Variants in TNK2 observed in about 807,000 individuals in gnomAD.
The protein encoded by TNK2 is activated CDC42 kinase 1.
In TNK2, 83 loss-of-function variants were observed where a neutral mutation model predicts 101.8. That is an observed-to-expected ratio of 0.82 (90% CI 0.68 to 0.98). The LOEUF (loss-of-function observed/expected upper bound fraction) is 0.98, where lower values mean the gene tolerates loss of function less well. TNK2 is among the 50% of genes least tolerant of loss of function. The pLI, the probability that TNK2 is intolerant of heterozygous loss-of-function variation, is 0.00. For missense variants in TNK2, 1,665 were observed against 1,483.2 expected (o/e 1.12, Z -2.01); for synonymous variants, 804 against 633.0 (o/e 1.27, Z -4.06).
At chr3:195,891,895 AAC>A (rs1455983298) in intron 1 of TNK2, 46 of 985,694 alleles carry the variant, frequency 4.7e-5, no homozygotes, top group Non-Finnish European at 5.5e-5. Flanking sequence ...CTCTCCCTGA[AAC>A]ACCAGCTAAT....
Position 195,885,575 on chromosome 3 carries a change from G to T in TNK2, c.235-542C>A. 7.8e-7 allele frequency: 1 copy of T among 1,290,174 alleles called. No individual in the cohort carries two copies. Among genetic ancestry groups the T allele is most frequent in the Non-Finnish European group, 1.0e-6 (1 of 989,098 alleles). 79.9% of individuals were successfully genotyped at this position (1,290,174 alleles called of 1,614,324 possible). A position where few individuals can be genotyped will look rare whatever the true frequency, so the allele number is the denominator to read the frequency against. ...AGGGGAGAGGATAATTTTAGTCTGA[G>T]GTTGAACCGTGAGTGTGTGTGTGGT... On this transcript the variant is annotated intron_variant, in intron 3 of 15. Coordinates refer to ENST00000672887, the MANE Select transcript of TNK2 (RefSeq NM_001382273.1). This position sits in a 1 kb window ranked among gnomAD's most constrained non-coding sequence, Gnocchi z 4.7.
chr3:195,876,340 T>A (rs1577036536), intron 9 of TNK2: 2 of 449,448 alleles, frequency 4.4e-6, no homozygotes, highest in South Asian at 1.6e-5. Context: ...AAACAAATAC[T>A]GGACACAGCT....
chr3:195,906,827 GC>G (rs1272831579), intron 1 of TNK2, among the ~76,000 whole-genome samples: 2 of 152,026 alleles, frequency 1.3e-5, no homozygotes, highest in Non-Finnish European at 2.9e-5. Flanking sequence ...CAAGGTGGGG[GC>G]TAATCCCGGG....
In TNK2 at chr3:195,874,114, T is replaced by C. The variant is rs1264332466; in HGVS notation, c.1257-1644A>G. On this transcript the variant is annotated intron_variant, in intron 9 of 15. Transcript: ENST00000672887. ...ACCGGCTGGGCTGCGGCTCTCCCGC[T>C]ACACCCACGGGCTCCCCGGTGGCTG... Among the ~76,000 whole-genome samples, 10 of 152,304 alleles carry C rather than the reference T, an allele frequency of 6.6e-5. No individual in the cohort carries two copies. The South Asian group carries it at 1.0e-3, about 16-fold the overall frequency.
rs114780640 is a variant in TNK2, at chr3:195,901,200, G to A, written c.-19+7285C>T. Among the ~76,000 whole-genome samples the A allele has an allele frequency of 8.9e-3, 1,349 of 152,302 alleles. 20 individuals carry two copies. Among genetic ancestry groups the A allele is most frequent in the African/African-American group, 0.031 (1,286 of 41,554 alleles). On this transcript the variant is annotated intron_variant, in intron 1 of 15. Transcript: ENST00000672887. ...TCACCATCTGACCTTGAAGAGCCCG[G>A]GACCCTCAAAGGGGAAGGGGCGTGC...
intron 1 of TNK2, among the ~76,000 whole-genome samples, chr3:195,893,071 G>A (rs1209352183): frequency 1.3e-5 from 2 of 151,958 alleles, no homozygotes; most frequent in Non-Finnish European, 2.9e-5. Context: ...TATGAAGCAG[G>A]GCTGTGGACT....
chr3:195,873,473 G>C (rs62283331), intron 9 of TNK2, among the ~76,000 whole-genome samples: 20 of 91,512 alleles, frequency 2.2e-4, no homozygotes, highest in African/African-American at 4.5e-4. Context: ...GGGGCGGTGA[G>C]AGCCCCGTGG....
chr3:195,888,297 T>C lies in TNK2; in HGVS notation c.163+129A>G. 1 of 966,548 alleles carries C rather than the reference T, an allele frequency of 1.0e-6. No individual in the cohort carries two copies. Among genetic ancestry groups the C allele is most frequent in the Non-Finnish European group, 1.6e-6 (1 of 642,000 alleles). 59.9% of individuals were successfully genotyped at this position (966,548 alleles called of 1,614,324 possible). ...GTTCTCATCACACATCAGCACCTAC[T>C]GATGTCCCTCCTGCTCCCTCAGGGC... is the stretch of plus-strand genomic sequence containing the variant. On this transcript the variant is annotated intron_variant, in intron 2 of 15. Transcript: ENST00000672887. The surrounding 1 kb of genome is among the most constrained non-coding windows in gnomAD (Gnocchi z 5.3).
In TNK2 at chr3:195,879,225, G is replaced by A. The variant is rs202002128; in HGVS notation, c.888-50C>T. 87 of 1,606,202 alleles carry A rather than the reference G, an allele frequency of 5.4e-5. No individual in the cohort carries two copies. In the Admixed American group the frequency reaches 6.9e-4, roughly 13 times the overall value. ...AAGCCCTCTCAAACACCCTACCTGCGTCCGCCCCAGGGACTTAAAACACTC... is the reference window on the plus strand; with the variant it reads ...AAGCCCTCTCAAACACCCTACCTGCATCCGCCCCAGGGACTTAAAACACTC... On this transcript the variant is annotated intron_variant, in intron 6 of 15. Coordinates refer to ENST00000672887, the MANE Select transcript of TNK2 (RefSeq NM_001382273.1).
chr3:195,895,170 G>A lies in TNK2; in HGVS notation c.-18-6564C>T, dbSNP rs6762607. 15,573 of 1,380,986 alleles carry A rather than the reference G, an allele frequency of 0.011. 1,593 individuals are homozygous for A. The African/African-American group carries it at 0.21, about 19-fold the overall frequency. The allele number at this position is 1,380,986 out of a possible 1,614,324, so 85.5% of individuals were successfully genotyped here. ...ACTCCTGAGGCCGCCGCAGGGGGCA[G>A]GGCTGAGCCCGGCTCACAGCAGACG... On this transcript the variant is annotated intron_variant, in intron 1 of 15. Coordinates refer to ENST00000672887, the MANE Select transcript of TNK2 (RefSeq NM_001382273.1).
chr3:195,880,369 A>C (rs578025395), intron 6 of TNK2, among the ~76,000 whole-genome samples: 16 of 151,760 alleles, frequency 1.1e-4, no homozygotes, highest in Admixed American at 3.3e-4. Context: ...CTCCCCACAG[A>C]AATGCCCCTT....
In TNK2 at chr3:195,882,158, C is replaced by G; in HGVS notation, c.780G>C (p.Leu260Phe). 6.2e-7 allele frequency: 1 copy of G among 1,613,916 alleles called. No individual in the cohort carries two copies. Among genetic ancestry groups the G allele is most frequent in the Non-Finnish European group, 8.5e-7 (1 of 1,180,030 alleles). Residue 260 changes from leucine to phenylalanine, a missense_variant, in exon 6 of 16, where the codon TTG becomes TTC. By Grantham distance (22) the Leu-to-Phe change is conservative. Transcript: ENST00000672887. This position sits in a 1 kb window ranked among gnomAD's most constrained non-coding sequence, Gnocchi z 4.2. ...HRDLAARNLL[L>F]ATRDLVKIGD... is the part of the protein sequence containing the mutation. ...CGATCTTGACCAGGTCGCGGGTAGC[C>G]AACAGCAGATTGCGGGCAGCCAGGT... is the stretch of plus-strand genomic sequence containing the variant.
chr3:195,899,957 G>A (rs1257399692), intron 1 of TNK2, among the ~76,000 whole-genome samples: 3 of 152,088 alleles, frequency 2.0e-5, no homozygotes, highest in Non-Finnish European at 2.9e-5. Context: ...TCCCAGCCCC[G>A]GCTTTGCCTC....
chr3:195,876,463 G>A (rs1352078717), intron 9 of TNK2: 11 of 456,728 alleles, frequency 2.4e-5, no homozygotes, highest in Admixed American at 1.2e-4. Flanking sequence ...TCCGCCTGGA[G>A]ACATGGAGAC....
chr3:195,880,329 T>C (rs1314094042), intron 6 of TNK2, among the ~76,000 whole-genome samples: 2 of 152,100 alleles, frequency 1.3e-5, no homozygotes, highest in African/African-American at 4.8e-5. Context: ...CTGGCGAACT[T>C]CCCTGATGTT....
intron 1 of TNK2, among the ~76,000 whole-genome samples, chr3:195,900,189 G>C (rs2079062353): frequency 6.6e-6 from 1 of 152,044 alleles, no homozygotes; most frequent in Non-Finnish European, 1.5e-5. Context: ...CTGGGGCGCG[G>C]GCTGCCACAC....
chr3:195,895,564 G>T, intron 1 of TNK2: 1 of 1,323,614 alleles, frequency 7.6e-7, no homozygotes, highest in Non-Finnish European at 9.6e-7. Flanking sequence ...TCCTCTCCGG[G>T]GCGCGGCTCC....
At chr3:195,892,430 A>G (rs1421643302) in intron 1 of TNK2, 2 of 1,535,134 alleles carry the variant, frequency 1.3e-6, no homozygotes, top group Admixed American at 2.0e-5. Flanking sequence ...GCGTCGCCGC[A>G]GTCTGGCCAG....
chr3:195,874,143 C>T (rs1577026045), intron 9 of TNK2, among the ~76,000 whole-genome samples: 2 of 152,326 alleles, frequency 1.3e-5, no homozygotes, highest in South Asian at 2.1e-4. Context: ...GTGGCTGCCG[C>T]GGGCCAGACG....
Sources: allele counts gnomAD v4.1 joint callset (sites outside exome capture counted in the v4.1 genomes callset), GRCh38; gene constraint gnomAD v4.1.1; non-coding constraint Gnocchi (gnomAD v3.1); transcripts MANE v1.5; gene names NCBI Gene and HGNC (gene_info 2026-07-23, HGNC 2026-07-21).